Variants in GRM5 observed in about 807,000 individuals in gnomAD.
GRM5 encodes the protein glutamate metabotropic receptor 5, also known as metabotropic glutamate receptor 5.
A neutral mutation model predicts 83.1 loss-of-function variants in GRM5; 19 were observed. The observed-to-expected ratio is 0.23, with a 90% confidence interval of 0.16 to 0.34. The LOEUF (loss-of-function observed/expected upper bound fraction) is 0.34. GRM5 is among the 10% of genes least tolerant of loss of function. The pLI is 1.00. For missense variants in GRM5, 1,160 were observed against 1,588.3 expected, an observed-to-expected ratio of 0.73 and a Z score of 4.58; for synonymous variants, 675 against 633.6, an observed-to-expected ratio of 1.07 and a Z score of -0.98.
intron 5 of GRM5, among the ~76,000 whole-genome samples, chr11:88,602,389 A>G (rs1180476183): frequency 1.3e-5 from 2 of 152,194 alleles, no homozygotes; most frequent in African/African-American, 4.8e-5. Context: ...AGATTTAAAA[A>G]CAATGATTAA....
At chr11:88,591,661 T>C (rs894502298) in intron 6 of GRM5, among the ~76,000 whole-genome samples, 3 of 152,246 alleles carry the variant, frequency 2.0e-5, no homozygotes, top group Admixed American at 2.0e-4. Context: ...TAACATCAGC[T>C]AGATACCTAT....
In GRM5 at chr11:89,047,508, T is replaced by C. The variant is rs200319380; in HGVS notation, c.365A>G (p.Glu122Gly). ...FIRDSLISSE[E>G]EEGLVRCVDG... ...CACACAGCGTACCAAGCCTTCTTCC[T>C]CTTCTGAAGAAATGAGGGAATCTCT... The change falls in exon 2 of 10, where the codon GAG (glutamate) becomes GGG (glycine). Residue 122 changes from glutamate (E) to glycine (G), a missense_variant. By Grantham distance (98) the Glu-to-Gly change is moderately conservative (BLOSUM62 -2). Transcript: ENST00000305447. This position sits in a 1 kb window ranked among gnomAD's most constrained non-coding sequence, Gnocchi z 5.1. The C allele has an allele frequency of 4.3e-6, 7 of 1,614,134 alleles. No homozygotes were observed. In the African/African-American group the frequency reaches 9.3e-5, roughly 22 times the overall value.
At chr11:88,988,281 G>A (rs1027740368) in intron 2 of GRM5, among the ~76,000 whole-genome samples, 1 of 151,984 alleles carries the variant, frequency 6.6e-6, no homozygotes, top group Non-Finnish European at 1.5e-5. Context: ...TGAAATGAAT[G>A]AAATGAAGCG....
chr11:88,628,125 C>T (rs1338399655), intron 4 of GRM5, among the ~76,000 whole-genome samples: 1 of 152,166 alleles, frequency 6.6e-6, no homozygotes, highest in East Asian at 1.9e-4. Flanking sequence ...GGATTCAACT[C>T]AAAGACTAGC....
chr11:88,602,720 T>C (rs930903817), intron 5 of GRM5, among the ~76,000 whole-genome samples: 3 of 152,262 alleles, frequency 2.0e-5, no homozygotes, highest in African/African-American at 7.2e-5. Context: ...ATTTTGACTC[T>C]ATCATTTACT....
At chr11:88,929,029 C>G (rs1345137161) in intron 2 of GRM5, among the ~76,000 whole-genome samples, 1 of 151,860 alleles carries the variant, frequency 6.6e-6, no homozygotes, top group Non-Finnish European at 1.5e-5. Context: ...ATTGCTCTTT[C>G]TCTCACCAAA....
intron 2 of GRM5, among the ~76,000 whole-genome samples, chr11:88,942,693 A>G (rs1938152382): frequency 6.6e-6 from 1 of 151,904 alleles, no homozygotes; most frequent in African/African-American, 2.4e-5. Flanking sequence ...TAATATAATG[A>G]CCTAGATTTG....
intron 7 of GRM5, among the ~76,000 whole-genome samples, chr11:88,576,044 A>G (rs1051132314): frequency 6.6e-6 from 1 of 152,198 alleles, no homozygotes; most frequent in Non-Finnish European, 1.5e-5. Flanking sequence ...ACAGATGCAC[A>G]TTTGTAGGAA....
At chr11:88,586,751 C>T (rs1261421085) in intron 7 of GRM5, among the ~76,000 whole-genome samples, 1 of 152,146 alleles carries the variant, frequency 6.6e-6, no homozygotes, top group East Asian at 1.9e-4. Context: ...TTAAACTTCA[C>T]ATAATATCAA....
intron 1 of GRM5, among the ~76,000 whole-genome samples, chr11:89,049,715 TA>T (rs1203424426): frequency 1.3e-5 from 2 of 152,114 alleles, no homozygotes; most frequent in African/African-American, 4.8e-5. Flanking sequence ...TTTCATCAAA[TA>T]ACCAGATGTT....
intron 2 of GRM5, among the ~76,000 whole-genome samples, chr11:88,980,677 G>C (rs1287574403): frequency 6.6e-6 from 1 of 151,970 alleles, no homozygotes; most frequent in Non-Finnish European, 1.5e-5. Flanking sequence ...CAAAAAGTTA[G>C]TCGGGCGTGG....
chr11:88,849,243 A>G (rs1156851591), intron 3 of GRM5, among the ~76,000 whole-genome samples: 3 of 152,016 alleles, frequency 2.0e-5, no homozygotes, highest in Non-Finnish European at 4.4e-5. Context: ...CATATTTTTT[A>G]TTATATATGT....
At chr11:88,800,432 A>C in intron 3 of GRM5, among the ~76,000 whole-genome samples, 1 of 151,876 alleles carries the variant, frequency 6.6e-6, no homozygotes, top group East Asian at 1.9e-4. Context: ...AAAACCTTCT[A>C]GATTACTTGC....
rs202040444 is a variant in GRM5 at position 88,525,351 on chromosome 11, G to A, written c.2684C>T (p.Pro895Leu). Reference sequence around the variant, plus strand: ...CCCACCATTCCCCATACTCCCTTTGGGGGTGAAACACTCTATTTCCGACTT... The same window carrying A: ...CCCACCATTCCCCATACTCCCTTTGAGGGTGAAACACTCTATTTCCGACTT... ...QHKSEIECFTPKGSMGNGGRA... is the reference protein window; with the variant it reads ...QHKSEIECFTLKGSMGNGGRA... The change falls in exon 9 of 10, where the codon CCC becomes CTC. Residue 895 changes from proline (P) to leucine (L), a missense_variant. Physicochemically the swap from Pro to Leu is moderately conservative, Grantham distance 98 (BLOSUM62 -3). Coordinates refer to ENST00000305447, the MANE Select transcript of GRM5 (RefSeq NM_001143831.3). 1 of 1,612,352 alleles carries A rather than the reference G, an allele frequency of 6.2e-7. No homozygotes were observed. Among genetic ancestry groups the A allele is most frequent in the African/African-American group, 1.3e-5 (1 of 74,956 alleles).
chr11:88,885,919 T>G (rs1234658900), intron 2 of GRM5, among the ~76,000 whole-genome samples: 1 of 152,128 alleles, frequency 6.6e-6, no homozygotes, highest in East Asian at 1.9e-4. Context: ...CATTCTTCCC[T>G]TCTCTGCCAG....
chr11:88,716,438 T>C (rs1047449766), intron 3 of GRM5, among the ~76,000 whole-genome samples: 6 of 151,848 alleles, frequency 4.0e-5, no homozygotes, highest in Non-Finnish European at 5.9e-5. Flanking sequence ...AGAAAGGAGA[T>C]TGAATTGGCC....
At chr11:88,799,862 C>G (rs958441082) in intron 3 of GRM5, among the ~76,000 whole-genome samples, 1 of 152,076 alleles carries the variant, frequency 6.6e-6, no homozygotes, top group African/African-American at 2.4e-5. Context: ...CTGGATAATG[C>G]AGTAAAGCAC....
At chr11:88,889,695 GA>G (rs935360408) in intron 2 of GRM5, among the ~76,000 whole-genome samples, 1 of 152,040 alleles carries the variant, frequency 6.6e-6, no homozygotes. Flanking sequence ...TTGTTTTCTG[GA>G]AAAAAATTTT....
At chr11:88,654,963 A>T (rs781110567) in intron 3 of GRM5, among the ~76,000 whole-genome samples, 3 of 152,114 alleles carry the variant, frequency 2.0e-5, no homozygotes, top group Non-Finnish European at 4.4e-5. Flanking sequence ...TATATTACTT[A>T]TTAAGATATC....
Sources: allele counts gnomAD v4.1 joint callset (sites outside exome capture counted in the v4.1 genomes callset), GRCh38; gene constraint gnomAD v4.1.1; non-coding constraint Gnocchi (gnomAD v3.1); transcripts MANE v1.5; gene names NCBI Gene and HGNC (gene_info 2026-07-23, HGNC 2026-07-21).